The following MEIS1 variants were observed in gnomAD, a reference collection of about 807,000 sequenced individuals.
MEIS1 encodes Meis homeobox 1, also known as homeobox protein Meis1.
In MEIS1, 5 loss-of-function variants were observed where a neutral mutation model predicts 50.8. The ratio of observed to expected loss-of-function variants is 0.10; its 90% CI spans 0.05 to 0.21. MEIS1 has a LOEUF of 0.21. Ranked by LOEUF, MEIS1 falls within the 10% of genes least tolerant of loss-of-function variation. The probability of loss-of-function intolerance (pLI) is 1.00; values close to 1 mark genes in which losing one functional copy is unlikely to be tolerated. For synonymous variants in MEIS1, 176 were observed against 179.3 expected (o/e 0.98, Z 0.15); for missense variants, 318 against 517.3 (o/e 0.61, Z 3.74).
At chr2:66,455,845 G>A (rs183797893) in intron 6 of MEIS1, among the ~76,000 whole-genome samples, 1 of 152,292 alleles carries the variant, frequency 6.6e-6, no homozygotes, top group African/African-American at 2.4e-5. Flanking sequence ...AAAACCATTA[G>A]ATTCATTTTT....
At chr2:66,478,490 A>G (rs1308750332) in intron 7 of MEIS1, among the ~76,000 whole-genome samples, 1 of 152,248 alleles carries the variant, frequency 6.6e-6, no homozygotes, top group Non-Finnish European at 1.5e-5. Flanking sequence ...CGTAAGTTGC[A>G]TATGGCATGG....
chr2:66,567,426 C>T (rs781701053), intron 9 of MEIS1, 27 bp from the exon 10 acceptor site: 5 of 1,609,280 alleles, frequency 3.1e-6, no homozygotes, highest in South Asian at 1.1e-5. Flanking sequence ...TAAGGAATAA[C>T]GATTTGTTTC....
rs375874864 is a variant in MEIS1 at position 66,442,985 on chromosome 2, T to C, written c.567T>C (p.Asp189=). Residue 189 remains aspartate, a synonymous_variant, in exon 6 of 13, where the codon GAT becomes GAC. Coordinates refer to ENST00000272369, the MANE Select transcript of MEIS1 (RefSeq NM_002398.3). Reference sequence around the variant, plus strand: ...TGCCTATCGATTTGGTGATAGACGATAGAGAAGGAGGATCAAAATCAGACA... The same window carrying C: ...TGCCTATCGATTTGGTGATAGACGACAGAGAAGGAGGATCAAAATCAGACA... ...GKMPIDLVID[D]REGGSKSDSE... The C allele has an allele frequency of 4.4e-6, 7 of 1,605,938 alleles. No individual in the cohort carries two copies. The African/African-American group carries it at 8.1e-5, about 18-fold the overall frequency.
At chr2:66,564,676 G>A (rs1675295935) in intron 9 of MEIS1, among the ~76,000 whole-genome samples, 1 of 151,868 alleles carries the variant, frequency 6.6e-6, no homozygotes, top group Non-Finnish European at 1.5e-5. Flanking sequence ...AGTACCCCAA[G>A]GAGTTGTGCT....
At chr2:66,500,596 T>C (rs1673529854) in intron 7 of MEIS1, among the ~76,000 whole-genome samples, 1 of 152,124 alleles carries the variant, frequency 6.6e-6, no homozygotes, top group African/African-American at 2.4e-5. Context: ...AGCTAAGTTT[T>C]GTATTTTTAG....
intron 6 of MEIS1, among the ~76,000 whole-genome samples, chr2:66,446,794 G>A (rs1672161969): frequency 6.6e-6 from 1 of 152,220 alleles, no homozygotes; most frequent in Non-Finnish European, 1.5e-5. Flanking sequence ...GGCCGCCGGG[G>A]CTGTGCAGCC....
intron 8 of MEIS1, among the ~76,000 whole-genome samples, chr2:66,531,794 G>T (rs1387891039): frequency 6.6e-6 from 1 of 152,296 alleles, no homozygotes; most frequent in African/African-American, 2.4e-5. Flanking sequence ...ACTGCAGCAG[G>T]GCCAAGGATG....
intron 8 of MEIS1, among the ~76,000 whole-genome samples, chr2:66,528,688 G>A (rs755057296): frequency 9.2e-5 from 14 of 152,070 alleles, no homozygotes; most frequent in Non-Finnish European, 1.5e-4. Flanking sequence ...TTCTCCGTTC[G>A]TTCCCCAGCC....
intron 7 of MEIS1, among the ~76,000 whole-genome samples, chr2:66,467,604 GA>G (rs10710775): frequency 0.064 from 9,129 of 141,720 alleles, 916 homozygotes; most frequent in African/African-American, 0.22. Flanking sequence ...TCTAGGAAAA[GA>G]AAAAAAAAAA....
chr2:66,512,441 CT>C (rs2103854287), intron 8 of MEIS1, 147 bp downstream of exon 8: 2 of 834,424 alleles, frequency 2.4e-6, no homozygotes, highest in South Asian at 2.4e-5. Flanking sequence ...AGTATTAGCA[CT>C]TATTTCTTAG....
At chr2:66,537,109 A>G (rs1674540184) in intron 8 of MEIS1, among the ~76,000 whole-genome samples, 1 of 152,166 alleles carries the variant, frequency 6.6e-6, no homozygotes. Flanking sequence ...CTGGGCTTCA[A>G]TCCACGTCCC....
chr2:66,567,568 C>CTGGTAA (rs1675379121), intron 10 of MEIS1, 57 bp downstream of exon 10: 2 of 1,559,284 alleles, frequency 1.3e-6, no homozygotes, highest in Non-Finnish European at 8.8e-7. Flanking sequence ...ATCCTCAAGC[C>CTGGTAA]ATTCACCGGG....
chr2:66,558,279 C>CAAAA (rs59017279), intron 9 of MEIS1, among the ~76,000 whole-genome samples: 58 of 57,076 alleles, frequency 1.0e-3, no homozygotes, highest in Non-Finnish European at 1.2e-3. Context: ...AACTCCATCT[C>CAAAA]AAAAAAAAAA....
Position 66,513,972 on chromosome 2 carries a change from C to T in MEIS1, c.888+1678C>T, listed in dbSNP as rs116359576. Among the ~76,000 whole-genome samples, 669 of 152,250 alleles carry T rather than the reference C, an allele frequency of 4.4e-3. 5 individuals are homozygous for T. The highest frequency in any genetic ancestry group is 0.015 in the African/African-American group (628 of 41,538). On this transcript the variant is annotated intron_variant, in intron 8 of 12. Coordinates refer to ENST00000272369, the MANE Select transcript of MEIS1 (RefSeq NM_002398.3). ...GTGGCAATTGGTCAAAGGTGTGGTA[C>T]AATGATGCTGATGCAATGATGCTAA...
intron 9 of MEIS1, among the ~76,000 whole-genome samples, chr2:66,558,340 A>G (rs1233776113): frequency 6.6e-6 from 1 of 151,732 alleles, no homozygotes; most frequent in African/African-American, 2.4e-5. Flanking sequence ...GGATAGTCAC[A>G]CTGAAATCCA....
At chr2:66,446,222 C>T (rs1672141517) in intron 6 of MEIS1, among the ~76,000 whole-genome samples, 1 of 152,156 alleles carries the variant, frequency 6.6e-6, no homozygotes, top group Admixed American at 6.5e-5. Flanking sequence ...TCTAGGGGCC[C>T]TTGGGTGGAT....
intron 7 of MEIS1, among the ~76,000 whole-genome samples, chr2:66,497,666 A>G (rs375722183): frequency 6.6e-6 from 1 of 152,298 alleles, no homozygotes; most frequent in Admixed American, 6.5e-5. Flanking sequence ...AGGCTGAGAC[A>G]GGAGATTTGC....
Position 66,573,738 on chromosome 2 carries a change from T to C in MEIS1, c.*2530T>C, listed in dbSNP as rs1675522419. On this transcript the variant is annotated 3_prime_UTR_variant, in exon 13 of 13. Coordinates refer to ENST00000272369, the MANE Select transcript of MEIS1 (RefSeq NM_002398.3). ...ATGGGATTGTTTAAATCTCCCTTGT[T>C]GACCTAGTGGCAATTCTTCCTCTAC... The C allele has an allele frequency of 6.6e-6, 1 of 152,280 alleles. No homozygotes were observed. Among genetic ancestry groups the C allele is most frequent in the Non-Finnish European group, 1.5e-5 (1 of 68,064 alleles). 9.4% of individuals were successfully genotyped at this position (152,280 alleles called of 1,614,324 possible). A position where few individuals can be genotyped will look rare whatever the true frequency, so the allele number is the denominator to read the frequency against.
intron 7 of MEIS1, among the ~76,000 whole-genome samples, chr2:66,511,818 C>T (rs1296547319): frequency 1.3e-5 from 2 of 152,164 alleles, no homozygotes; most frequent in Non-Finnish European, 2.9e-5. Context: ...TGTTTAACTC[C>T]CCGGTAGGAG....
Sources: allele counts gnomAD v4.1 joint callset (sites outside exome capture counted in the v4.1 genomes callset), GRCh38; gene constraint gnomAD v4.1.1; transcripts MANE v1.5; gene names NCBI Gene and HGNC (gene_info 2026-07-23, HGNC 2026-07-21).